CTXND2: variants seen among roughly 807,000 people sequenced by gnomAD.
CTXND2 encodes cortexin domain containing 2.
chr1:150,888,848 C>T (rs1668809475), intron 1 of CTXND2, among the ~76,000 whole-genome samples: 1 of 151,752 alleles, frequency 6.6e-6, no homozygotes, highest in Non-Finnish European at 1.5e-5. Context: ...GTGCGTGCCA[C>T]CACGCCAGGC....
chr1:150,903,537 C>T (rs1199534270), intron 1 of CTXND2, among the ~76,000 whole-genome samples: 1 of 152,062 alleles, frequency 6.6e-6, no homozygotes, highest in African/African-American at 2.4e-5. Context: ...TGGTGGCTCA[C>T]GCCTGTAATC....
intron 1 of CTXND2, among the ~76,000 whole-genome samples, chr1:150,907,989 G>A (rs980738092): frequency 2.6e-5 from 4 of 151,368 alleles, no homozygotes; most frequent in East Asian, 1.9e-4. Context: ...GATTACAGGC[G>A]TGAGCCACCG....
intron 1 of CTXND2, among the ~76,000 whole-genome samples, chr1:150,901,033 G>A (rs1434301802): frequency 6.6e-6 from 1 of 151,866 alleles, no homozygotes; most frequent in East Asian, 1.9e-4. Flanking sequence ...GATCCCTTGA[G>A]CCCAGGAGGT....
At chr1:150,900,477 A>G (rs1211517079) in intron 1 of CTXND2, among the ~76,000 whole-genome samples, 1 of 152,172 alleles carries the variant, frequency 6.6e-6, no homozygotes, top group African/African-American at 2.4e-5. Flanking sequence ...AGTCAGTGAG[A>G]CCAAGAACTC....
At chr1:150,901,025 T>G (rs745699318) in intron 1 of CTXND2, among the ~76,000 whole-genome samples, 7 of 151,998 alleles carry the variant, frequency 4.6e-5, no homozygotes, top group Non-Finnish European at 1.0e-4. Context: ...GGCAGGAGGA[T>G]CCCTTGAGCC....
At chr1:150,896,046 A>G (rs1668910707) in intron 1 of CTXND2, among the ~76,000 whole-genome samples, 2 of 152,302 alleles carry the variant, frequency 1.3e-5, no homozygotes, top group South Asian at 4.1e-4. Flanking sequence ...ACCTCTTTAC[A>G]ATAAATATAT....
At chr1:150,907,939 A>G (rs956161895) in intron 1 of CTXND2, among the ~76,000 whole-genome samples, 3 of 151,850 alleles carry the variant, frequency 2.0e-5, no homozygotes, top group African/African-American at 4.8e-5. Flanking sequence ...TTGATCTCCT[A>G]ACCTTGTGAT....
intron 1 of CTXND2, among the ~76,000 whole-genome samples, chr1:150,907,962 G>A (rs587593708): frequency 8.6e-5 from 13 of 151,524 alleles, no homozygotes; most frequent in Admixed American, 2.6e-4. Flanking sequence ...ACCCGCCTTG[G>A]CCTCCCAAAG....
At chr1:150,910,785 C>A (rs1669241745) in intron 1 of CTXND2, among the ~76,000 whole-genome samples, 1 of 151,606 alleles carries the variant, frequency 6.6e-6, no homozygotes, top group Non-Finnish European at 1.5e-5. Flanking sequence ...GCATGCATCA[C>A]CATGCCTGGC....
At chr1:150,902,697 C>A (rs66847267) in intron 1 of CTXND2, among the ~76,000 whole-genome samples, 66,623 of 151,624 alleles carry the variant, frequency 0.44, 15,286 homozygotes, top group African/African-American at 0.55. Flanking sequence ...AACTATGTTA[C>A]TATTTCACAT....
chr1:150,904,264 C>T (rs2102601311), intron 1 of CTXND2: 1 of 508,674 alleles, frequency 2.0e-6, no homozygotes, highest in East Asian at 4.9e-5. Flanking sequence ...ATGAATTTTT[C>T]ATGTGTACCA....
At chr1:150,901,179 C>T (rs1006150164) in intron 1 of CTXND2, among the ~76,000 whole-genome samples, 3 of 148,860 alleles carry the variant, frequency 2.0e-5, no homozygotes, top group Admixed American at 6.8e-5. Flanking sequence ...AATAGGAATA[C>T]ATTTAAGAAA....
At chr1:150,887,995 C>T (rs7412746) in intron 1 of CTXND2, among the ~76,000 whole-genome samples, 62,125 of 151,564 alleles carry the variant, frequency 0.41, 15,056 homozygotes, top group Non-Finnish European at 0.54. Flanking sequence ...TCACACCACA[C>T]CTCCTTTCTC....
In CTXND2 at chr1:150,889,192, G is replaced by A. The variant is rs193073306; in HGVS notation, c.-74+1879G>A. 6.6e-4 allele frequency among the ~76,000 whole-genome samples: 100 copies of A among 152,024 alleles called. 3 individuals are homozygous for A. The highest frequency in any genetic ancestry group is 1.2e-3 in the Non-Finnish European group (83 of 67,914). On this transcript the variant is annotated intron_variant, in intron 1 of 1. Coordinates refer to ENST00000636087, the Ensembl canonical transcript of CTXND2. ...TGGGAAGCCGAAGCGGGCGGATCAC[G>A]AGGTCAGGAGATCGAGACCATCCTG...
At chr1:150,903,124 G>A (rs753601623) in intron 1 of CTXND2, among the ~76,000 whole-genome samples, 7 of 152,124 alleles carry the variant, frequency 4.6e-5, no homozygotes, top group Non-Finnish European at 8.8e-5. Flanking sequence ...AACAGAAATA[G>A]TCTCCTTTTA....
intron 1 of CTXND2, among the ~76,000 whole-genome samples, chr1:150,911,677 C>A (rs974921099): frequency 6.6e-6 from 1 of 152,104 alleles, no homozygotes; most frequent in African/African-American, 2.4e-5. Context: ...TGGTGATCTA[C>A]CTGCCTTGTC....
chr1:150,905,815 C>T (rs1316620575), intron 1 of CTXND2, among the ~76,000 whole-genome samples: 1 of 151,370 alleles, frequency 6.6e-6, no homozygotes, highest in African/African-American at 2.4e-5. Flanking sequence ...ACGGTGAAAC[C>T]CCATCTTTAC....
At position 150,904,119 on chromosome 1, in the gene CTXND2, A is replaced by ACC. The variant is rs1160837584; in HGVS notation, c.-73-8122_-73-8121insCC. 12 of 662,524 alleles carry ACC rather than the reference A, an allele frequency of 1.8e-5. No homozygotes were observed. In the African/African-American group the frequency reaches 2.1e-4, roughly 12 times the overall value. The allele number at this position is 662,524 out of a possible 1,614,324, so 41.0% of individuals were successfully genotyped here. ...GAGTATTTGGAAAATCCCAAGAAGT[A>ACC]CATCCCTGGAACAAAAATGATCTTT... On this transcript the variant is annotated intron_variant, in intron 1 of 1. Coordinates refer to ENST00000636087, the Ensembl canonical transcript of CTXND2.
At chr1:150,911,867 TACA>T (rs1669261973) in intron 1 of CTXND2, among the ~76,000 whole-genome samples, 1 of 152,224 alleles carries the variant, frequency 6.6e-6, no homozygotes, top group South Asian at 2.1e-4. Context: ...CAGTGAGTTA[TACA>T]ACAACTAGGT....
Sources: gnomAD v4.1 joint callset for allele counts (sites outside exome capture counted in the v4.1 genomes callset) on GRCh38, gnomAD v4.1.1 for gene constraint, MANE v1.5 for transcripts, NCBI Gene and HGNC (gene_info 2026-07-23, HGNC 2026-07-21) for gene names.